The following HSD11B1 variants were observed in gnomAD, a reference collection of about 807,000 sequenced individuals.
HSD11B1 encodes hydroxysteroid 11-beta dehydrogenase 1.
In HSD11B1, 15 loss-of-function variants were observed where a neutral mutation model predicts 22.1. The observed-to-expected ratio is 0.68, with a 90% CI of 0.45 to 1.04. The LOEUF (loss-of-function observed/expected upper bound fraction) is 1.04, where lower values mean the gene tolerates loss of function less well. Among genes scored for constraint, HSD11B1 ranks in the 50% least tolerant of loss-of-function variants. The pLI is 0.00. For missense variants in HSD11B1, 281 were observed against 357.6 expected (o/e 0.79, Z 1.73); for synonymous variants, 122 against 125.2 (o/e 0.97, Z 0.17).
chr1:209,720,391 C>T (rs114737324), intron 4 of HSD11B1, among the ~76,000 whole-genome samples: 44 of 152,134 alleles, frequency 2.9e-4, no homozygotes, highest in Non-Finnish European at 5.3e-4. Context: ...CCATCAATAG[C>T]GCGCTGGTAA....
intron 1 of HSD11B1, among the ~76,000 whole-genome samples, chr1:209,697,198 C>T: frequency 6.6e-6 from 1 of 152,220 alleles, no homozygotes; most frequent in East Asian, 1.9e-4. Flanking sequence ...CCACATGGAA[C>T]TGTTCATAGT....
intron 4 of HSD11B1, among the ~76,000 whole-genome samples, chr1:209,723,201 C>G (rs1308973373): frequency 6.6e-6 from 1 of 152,180 alleles, no homozygotes; most frequent in Non-Finnish European, 1.5e-5. Flanking sequence ...AGAAAGCTAG[C>G]TGCCATCTTT....
intron 1 of HSD11B1, among the ~76,000 whole-genome samples, chr1:209,705,425 A>G (rs2102369675): frequency 6.6e-6 from 1 of 152,026 alleles, no homozygotes. Context: ...AGTGAGGGAA[A>G]ATCCCTGGAA....
At chr1:209,712,764 C>G (rs2076905797) in intron 4 of HSD11B1, among the ~76,000 whole-genome samples, 1 of 152,100 alleles carries the variant, frequency 6.6e-6, no homozygotes, top group Non-Finnish European at 1.5e-5. Flanking sequence ...AAGAATGTTT[C>G]CTTTGGCCAG....
Position 209,732,708 on chromosome 1 carries a change from C to T in HSD11B1, c.661+129C>T, listed in dbSNP as rs574982670. On this transcript the variant is annotated intron_variant, in intron 5 of 5. Coordinates refer to ENST00000367027, the MANE Select transcript of HSD11B1 (RefSeq NM_005525.4). ...TGGTGTGCTGCACCCATTAACTCGT[C>T]ACTTACATTAGGTATATCTCCTAAT... is the stretch of plus-strand genomic sequence containing the variant. 28 of 780,924 alleles carry T rather than the reference C, an allele frequency of 3.6e-5. No individual in the cohort carries two copies. In the East Asian group the frequency reaches 7.5e-4, roughly 21 times the overall value. 48.4% of individuals were successfully genotyped at this position (780,924 alleles called of 1,614,324 possible).
upstream of HSD11B1, among the ~76,000 whole-genome samples, chr1:209,701,247 G>A (rs1571868992): frequency 6.6e-6 from 1 of 152,182 alleles, no homozygotes; most frequent in African/African-American, 2.4e-5. Flanking sequence ...CCACATGGCT[G>A]GGGAGGCCTC....
intron 4 of HSD11B1, among the ~76,000 whole-genome samples, chr1:209,728,370 T>C (rs1335514952): frequency 1.3e-5 from 2 of 152,224 alleles, no homozygotes; most frequent in African/African-American, 4.8e-5. Context: ...CTAACAATAA[T>C]AGCATTTTCT....
intron 4 of HSD11B1, among the ~76,000 whole-genome samples, chr1:209,731,657 C>T (rs1297813089): frequency 6.6e-6 from 1 of 152,170 alleles, no homozygotes; most frequent in Non-Finnish European, 1.5e-5. Flanking sequence ...GAGAATTAAC[C>T]AGTCTGGTGA....
intron 4 of HSD11B1, among the ~76,000 whole-genome samples, chr1:209,713,086 A>G (rs2076908593): frequency 1.3e-5 from 2 of 152,344 alleles, no homozygotes; most frequent in South Asian, 4.1e-4. Flanking sequence ...CACCCAGTCT[A>G]AGTGCAAGAA....
chr1:209,733,083 A>C (rs2077045645), intron 5 of HSD11B1, among the ~76,000 whole-genome samples: 1 of 152,138 alleles, frequency 6.6e-6, no homozygotes. Flanking sequence ...CACATTCATC[A>C]CTTAACCCTT....
intron 4 of HSD11B1, among the ~76,000 whole-genome samples, chr1:209,718,758 G>A (rs570689013): frequency 2.0e-5 from 3 of 152,164 alleles, no homozygotes; most frequent in South Asian, 4.1e-4. Context: ...GCAGGAGGCC[G>A]GGTGTGGTGG....
intron 4 of HSD11B1, among the ~76,000 whole-genome samples, chr1:209,709,975 A>ACAC (rs1558192088): frequency 7.3e-6 from 1 of 136,138 alleles, no homozygotes; most frequent in African/African-American, 3.1e-5. Context: ...CACACACACA[A>ACAC]AAGACTCATT....
chr1:209,714,837 T>A (rs991202670), intron 4 of HSD11B1, among the ~76,000 whole-genome samples: 6 of 152,044 alleles, frequency 3.9e-5, no homozygotes, highest in African/African-American at 7.2e-5. Flanking sequence ...CAGAGCAGGT[T>A]TGGGACATCA....
In HSD11B1 at chr1:209,731,337, G is replaced by T. The variant is rs565431207; in HGVS notation, c.518-1099G>T. Among the ~76,000 whole-genome samples the T allele has an allele frequency of 1.1e-4, 17 of 152,214 alleles. No homozygotes were observed. The South Asian group carries it at 3.5e-3, about 32-fold the overall frequency. The stretch of plus-strand genomic sequence containing the variant: ...AAAAAAAAATCAACACTCTTTGGAG[G>T]AATGTGACAGAATCCAGGTACCCTG... On this transcript the variant is annotated intron_variant, in intron 4 of 5. Transcript: ENST00000367027.
intron 4 of HSD11B1, 80 bp downstream of exon 4, chr1:209,707,208 T>A: frequency 1.0e-5 from 12 of 1,187,132 alleles, no homozygotes; most frequent in Non-Finnish European, 1.4e-5. Context: ...GAAGTAGACA[T>A]AAATTTTTAT....
chr1:209,695,042 C>A (rs1317807331), intron 1 of HSD11B1, among the ~76,000 whole-genome samples: 2 of 152,186 alleles, frequency 1.3e-5, no homozygotes, highest in Non-Finnish European at 2.9e-5. Flanking sequence ...CTCATCTGTT[C>A]TCATGATAGT....
chr1:209,695,171 T>C (rs1267762907), intron 1 of HSD11B1, among the ~76,000 whole-genome samples: 1 of 152,248 alleles, frequency 6.6e-6, no homozygotes, highest in African/African-American at 2.4e-5. Context: ...TCCACCATGA[T>C]TGTAAGTTTC....
In HSD11B1 at chr1:209,706,777, G is replaced by A. The variant is rs1351819763; in HGVS notation, c.288G>A (p.Met96Ile). 4.3e-6 allele frequency: 7 copies of A among 1,613,968 alleles called. No homozygotes were observed. Among genetic ancestry groups the A allele is most frequent in the Non-Finnish European group, 5.9e-6 (7 of 1,179,992 alleles). ...AHYIAGTMED[M>I]TFAEQFVAQA... ...ACATTGCTGGCACCATGGAAGACAT[G>A]ACCTTCGCAGAGCAATTTGTTGCCC... is the stretch of plus-strand genomic sequence containing the variant. Residue 96 changes from methionine (M) to isoleucine (I), a missense_variant, in exon 3 of 6, where the codon ATG becomes ATA. Transcript: ENST00000367027. This position sits in a 1 kb window ranked among gnomAD's most constrained non-coding sequence, Gnocchi z 4.0.
rs147555981 is a variant in HSD11B1 at position 209,710,807 on chromosome 1, A to C, written c.517+3679A>C. On this transcript the variant is annotated intron_variant, in intron 4 of 5. Transcript: ENST00000367027. ...TAACCTTTGAATCAGACTTCTCTTG[A>C]GAAGCTCCATAAGTGTCTCCAGTTA... 1.6e-3 allele frequency among the ~76,000 whole-genome samples: 239 copies of C among 152,384 alleles called. 3 individuals are homozygous for C. The Middle Eastern group carries it at 0.027, about 17-fold the overall frequency.
Sources: gnomAD v4.1 joint callset for allele counts (sites outside exome capture counted in the v4.1 genomes callset) on GRCh38, gnomAD v4.1.1 for gene constraint, Gnocchi (gnomAD v3.1) non-coding constraint, MANE v1.5 for transcripts, NCBI Gene and HGNC (gene_info 2026-07-23, HGNC 2026-07-21) for gene names.